BRSK2: variants seen among roughly 807,000 people sequenced by gnomAD.
BRSK2 encodes BR serine/threonine kinase 2.
BRSK2 carries 19 observed loss-of-function variants against 83.3 expected under a neutral mutation model. That is an observed-to-expected ratio of 0.23 (90% CI 0.16 to 0.33). The LOEUF (loss-of-function observed/expected upper bound fraction) is 0.33. Ranked by LOEUF, BRSK2 falls within the 10% of genes least tolerant of loss-of-function variation. The pLI, the probability that BRSK2 is intolerant of heterozygous loss-of-function variation, is 1.00. For missense variants in BRSK2, 798 were observed against 1,042.3 expected, an observed-to-expected ratio of 0.77 and a Z score of 3.23; for synonymous variants, 519 against 435.4, an observed-to-expected ratio of 1.19 and a Z score of -2.39.
Position 1,451,377 on chromosome 11 carries a change from C to T in BRSK2, c.1502C>T (p.Thr501Met), listed in dbSNP as rs1021653080. The change falls in exon 15 of 20, where the codon ACG (threonine) becomes ATG (methionine). Residue 501 changes from threonine to methionine, a missense_variant. By Grantham distance (81) the Thr-to-Met change is moderately conservative (BLOSUM62 -1). Transcript: ENST00000528841. ...GTTCATCCTGTGTGCACAGTTCCGA[C>T]GCCGGAGGAGATGTCCAACCTGACA... ...RFHRRKLQVPTPEEMSNLTPE... is the reference protein window; with the variant it reads ...RFHRRKLQVPMPEEMSNLTPE... 5.0e-6 allele frequency: 8 copies of T among 1,612,878 alleles called. No homozygotes were observed. Among genetic ancestry groups the T allele is most frequent in the South Asian group, 1.1e-5 (1 of 91,090 alleles).
intron 13 of BRSK2, among the ~76,000 whole-genome samples, chr11:1,450,244 C>T (rs866475620): frequency 6.6e-6 from 1 of 152,056 alleles, no homozygotes; most frequent in Non-Finnish European, 1.5e-5. Context: ...TTGTCCTGCC[C>T]CCACCGCCCC....
chr11:1,424,957 T>G (rs368452400), intron 1 of BRSK2, among the ~76,000 whole-genome samples: 3 of 152,302 alleles, frequency 2.0e-5, no homozygotes, highest in South Asian at 2.1e-4. Flanking sequence ...GGGCAAAGAA[T>G]CTGGGGCCCT....
intron 1 of BRSK2, among the ~76,000 whole-genome samples, chr11:1,412,915 G>C (rs1647212030): frequency 6.7e-6 from 1 of 150,254 alleles, no homozygotes; most frequent in African/African-American, 2.5e-5. Context: ...CGCATGGGAC[G>C]GGACCGCCCA....
intron 1 of BRSK2, among the ~76,000 whole-genome samples, chr11:1,398,967 C>T (rs919971999): frequency 1.1e-4 from 16 of 152,222 alleles, no homozygotes; most frequent in Non-Finnish European, 2.2e-4. Flanking sequence ...TTTCGTCCTG[C>T]GCCGTCCTGG....
chr11:1,438,539 C>T lies in BRSK2; in HGVS notation c.272+148C>T. 2.9e-6 allele frequency: 2 copies of T among 693,968 alleles called. No individual in the cohort carries two copies. The highest frequency in any genetic ancestry group is 4.9e-6 in the Non-Finnish European group (2 of 404,754). 43.0% of individuals were successfully genotyped at this position (693,968 alleles called of 1,614,324 possible). A position where few individuals can be genotyped will look rare whatever the true frequency, so the allele number is the denominator to read the frequency against. On this transcript the variant is annotated intron_variant, in intron 3 of 19. Coordinates refer to ENST00000528841, the MANE Select transcript of BRSK2 (RefSeq NM_001256627.2). The surrounding 1 kb of genome is among the most constrained non-coding windows in gnomAD (Gnocchi z 6.4). ...AGCCCTGGCCCTGCTAGCATGAACA[C>T]CTGCCTGGGTAGGGTCTCAGCCCAG... is the stretch of plus-strand genomic sequence containing the variant.
intron 1 of BRSK2, among the ~76,000 whole-genome samples, chr11:1,433,689 A>G (rs919771147): frequency 6.6e-6 from 1 of 152,204 alleles, no homozygotes; most frequent in African/African-American, 2.4e-5. Flanking sequence ...GCCGCCCTGG[A>G]TTATGGATGA....
At chr11:1,449,877 G>A in intron 13 of BRSK2, 41 bp downstream of exon 13, 1 of 1,494,990 alleles carries the variant, frequency 6.7e-7, no homozygotes, top group Non-Finnish European at 9.3e-7. Context: ...GATGCACAGA[G>A]GCCCCAACCC....
intron 1 of BRSK2, among the ~76,000 whole-genome samples, chr11:1,435,678 G>T (rs899924259): frequency 4.0e-5 from 6 of 151,456 alleles, no homozygotes; most frequent in African/African-American, 1.2e-4. Flanking sequence ...GTGTGCGGGG[G>T]ACAGCCTTCT....
In BRSK2 at chr11:1,456,694, C is replaced by G; in HGVS notation, c.1939+7C>G. 6.3e-7 allele frequency: 1 copy of G among 1,588,250 alleles called. No individual in the cohort carries two copies. ...GCGGCCCAGCACTTGTCAGGTGAGGCGGGCTCAGCTCCGGCCAACCTGCGG... is the reference window on the plus strand; with the variant it reads ...GCGGCCCAGCACTTGTCAGGTGAGGGGGGCTCAGCTCCGGCCAACCTGCGG... On this transcript the variant is annotated splice_region_variant and intron_variant, in intron 18 of 19. Coordinates refer to ENST00000528841, the MANE Select transcript of BRSK2 (RefSeq NM_001256627.2).
intron 1 of BRSK2, among the ~76,000 whole-genome samples, chr11:1,395,197 G>A (rs1845994537): frequency 6.6e-6 from 1 of 152,178 alleles, no homozygotes; most frequent in Admixed American, 6.5e-5. Flanking sequence ...AGCAGCCTGG[G>A]GCTGGACTGA....
chr11:1,394,002 G>A (rs574630696), intron 1 of BRSK2, among the ~76,000 whole-genome samples: 2 of 130,904 alleles, frequency 1.5e-5, no homozygotes, highest in South Asian at 5.9e-4. Context: ...ATGGGTCCCT[G>A]GAGATGGGCC....
At chr11:1,437,597 T>TGGGG (rs1029381584) in intron 2 of BRSK2, among the ~76,000 whole-genome samples, 1 of 152,094 alleles carries the variant, frequency 6.6e-6, no homozygotes, top group Non-Finnish European at 1.5e-5. Flanking sequence ...AGCCTGTGGA[T>TGGGG]GGGGGGCACG....
rs1454225764 is a variant in BRSK2 at position 1,462,506 on chromosome 11, A to C, written c.*1783A>C. The C allele has an allele frequency of 6.6e-6, 1 of 152,246 alleles. No homozygotes were observed. The highest frequency in any genetic ancestry group is 6.5e-5 in the Admixed American group (1 of 15,294). 9.4% of individuals were successfully genotyped at this position (152,246 alleles called of 1,614,324 possible). On this transcript the variant is annotated 3_prime_UTR_variant, in exon 20 of 20. Coordinates refer to ENST00000528841, the MANE Select transcript of BRSK2 (RefSeq NM_001256627.2). ...CAAACGCCAGGCGGTACAGGCGGGA[A>C]GGGGCTCTCCACGGAGATCGAGGAC...
At position 1,390,218 on chromosome 11, in the gene BRSK2, G is replaced by T; in HGVS notation, c.-67G>T. The T allele has an allele frequency of 3.4e-6, 3 of 869,756 alleles. No homozygotes were observed. The highest frequency in any genetic ancestry group is 4.1e-6 in the Non-Finnish European group (3 of 725,506). The allele number at this position is 869,756 out of a possible 1,614,324, so 53.9% of individuals were successfully genotyped here. A position where few individuals can be genotyped will look rare whatever the true frequency, so the allele number is the denominator to read the frequency against. Reference sequence around the variant, plus strand: ...CGGACGGCACTCGGCGGACGCGGGCGGACGCTGGGCGGCCCCTCCCTGCCC... The same window carrying T: ...CGGACGGCACTCGGCGGACGCGGGCTGACGCTGGGCGGCCCCTCCCTGCCC... On this transcript the variant is annotated 5_prime_UTR_variant, in exon 1 of 20. Coordinates refer to ENST00000528841, the MANE Select transcript of BRSK2 (RefSeq NM_001256627.2). The surrounding 1 kb of genome is among the most constrained non-coding windows in gnomAD (Gnocchi z 6.8).
At chr11:1,446,106 GGC>G (rs1852051041) in intron 12 of BRSK2, among the ~76,000 whole-genome samples, 199 bp downstream of exon 12, 1 of 146,186 alleles carries the variant, frequency 6.8e-6, no homozygotes, top group African/African-American at 2.6e-5. Context: ...GGCTGGGCTG[GGC>G]TGGGAGCTGA....
At chr11:1,441,353 G>A (rs183563802) in intron 4 of BRSK2, among the ~76,000 whole-genome samples, 202 of 18,854 alleles carry the variant, frequency 0.011, 1 homozygote, top group Non-Finnish European at 0.013. Context: ...CCCCATTAGC[G>A]GCCCCTCAAG....
At chr11:1,452,106 C>G (rs756000269) in intron 15 of BRSK2, among the ~76,000 whole-genome samples, 1 of 152,204 alleles carries the variant, frequency 6.6e-6, no homozygotes, top group African/African-American at 2.4e-5. Flanking sequence ...CAGAGAGCGG[C>G]GGTCAGGCTG....
In BRSK2 at chr11:1,460,684, C is replaced by T. The variant is rs926533447; in HGVS notation, c.2172C>T (p.Ala724=). Residue 724 remains alanine, a synonymous_variant, in exon 20 of 20, where the codon GCC becomes GCT. Coordinates refer to ENST00000528841, the MANE Select transcript of BRSK2 (RefSeq NM_001256627.2). ...DAEYPTGKDT[A]KMGPPTARRE... ...AGTACCCAACGGGCAAGGACACGGC[C>T]AAGATGGGCCCGCCCACCGCCCGCC... is the stretch of plus-strand genomic sequence containing the variant. 16 of 1,517,618 alleles carry T rather than the reference C, an allele frequency of 1.1e-5. No homozygotes were observed. The African/African-American group carries it at 2.0e-4, about 19-fold the overall frequency. 94.0% of individuals were successfully genotyped at this position (1,517,618 alleles called of 1,614,324 possible).
chr11:1,403,326 T>G (rs1178243399), intron 1 of BRSK2, among the ~76,000 whole-genome samples: 4 of 152,178 alleles, frequency 2.6e-5, no homozygotes, highest in African/African-American at 9.6e-5. Context: ...CAGCCACCCC[T>G]CACCGCAGGC....
Sources: allele counts gnomAD v4.1 joint callset (sites outside exome capture counted in the v4.1 genomes callset), GRCh38; gene constraint gnomAD v4.1.1; non-coding constraint Gnocchi (gnomAD v3.1); transcripts MANE v1.5; gene names NCBI Gene and HGNC (gene_info 2026-07-23, HGNC 2026-07-21).